The following IL6R variants were observed in gnomAD, a reference collection of about 807,000 sequenced individuals.
IL6R encodes the protein interleukin-6 receptor subunit alpha.
Under a neutral mutation model 48.3 loss-of-function variants are expected in IL6R, and 38 were observed. That is an observed-to-expected ratio of 0.79 (90% confidence interval 0.61 to 1.03). IL6R has a LOEUF of 1.03. Ranked by LOEUF, IL6R falls within the 50% of genes least tolerant of loss-of-function variation. The pLI is 0.00. For synonymous variants in IL6R, 264 were observed against 256.2 expected, an observed-to-expected ratio of 1.03 and a Z score of -0.29; for missense variants, 534 against 618.3, an observed-to-expected ratio of 0.86 and a Z score of 1.45.
chr1:154,453,872 C>A (rs988801298), intron 8 of IL6R, among the ~76,000 whole-genome samples: 5 of 152,136 alleles, frequency 3.3e-5, no homozygotes, highest in Non-Finnish European at 7.3e-5. Flanking sequence ...GTAGAGAAAA[C>A]AGACAGGAGA....
rs1446113538 is a variant in IL6R, at chr1:154,465,703, C to G, written c.*323C>G. 3.1e-6 allele frequency: 1 copy of G among 324,468 alleles called. No individual in the cohort carries two copies. Among genetic ancestry groups the G allele is most frequent in the Non-Finnish European group, 5.9e-6 (1 of 169,976 alleles). 20.1% of individuals were successfully genotyped at this position (324,468 alleles called of 1,614,324 possible). A position where few individuals can be genotyped will look rare whatever the true frequency, so the allele number is the denominator to read the frequency against. On this transcript the variant is annotated 3_prime_UTR_variant, in exon 10 of 10. Transcript: ENST00000368485. ...AAGCTGGGCAGGTTGGTGGGGGCCT[C>G]GGTGTGGAGAAGCGGCTGGCAGCCC...
chr1:154,417,586 C>G (rs985728350), intron 1 of IL6R, among the ~76,000 whole-genome samples: 3 of 152,010 alleles, frequency 2.0e-5, no homozygotes, highest in African/African-American at 7.3e-5. Flanking sequence ...CTTAGATATC[C>G]TTTCTTTTTT....
chr1:154,423,788 G>A (rs1266238123), intron 1 of IL6R, among the ~76,000 whole-genome samples: 2 of 152,142 alleles, frequency 1.3e-5, no homozygotes, highest in Non-Finnish European at 2.9e-5. Context: ...CATTACTCAA[G>A]TTCCTTGGCA....
intron 1 of IL6R, among the ~76,000 whole-genome samples, chr1:154,408,309 G>T (rs942522212): frequency 5.9e-5 from 9 of 152,100 alleles, no homozygotes; most frequent in African/African-American, 2.2e-4. Context: ...ATCTCTCCTT[G>T]CTTTGGCTTG....
chr1:154,411,326 A>G (rs1187097767), intron 1 of IL6R, among the ~76,000 whole-genome samples: 7 of 152,102 alleles, frequency 4.6e-5, no homozygotes, highest in Non-Finnish European at 1.0e-4. Context: ...CCAAAGTGCT[A>G]TAGGATTGCA....
chr1:154,442,790 T>TC (rs1056425591), intron 6 of IL6R, among the ~76,000 whole-genome samples: 1 of 43,786 alleles, frequency 2.3e-5, no homozygotes, highest in African/African-American at 1.5e-4. Flanking sequence ...ATTTTCTTCT[T>TC]TTTTTTTTTT....
At position 154,465,154 on chromosome 1, in the gene IL6R, T is replaced by C; in HGVS notation, c.1181T>C (p.Leu394Pro). 1 of 1,614,132 alleles carries C rather than the reference T, an allele frequency of 6.2e-7. No homozygotes were observed. The highest frequency in any genetic ancestry group is 1.1e-5 in the South Asian group (1 of 91,080). ...IVLRFKKTWKLRALKEGKTSM... is the reference protein window; with the variant it reads ...IVLRFKKTWKPRALKEGKTSM... ...TGAAGGTTCAAGAAGACGTGGAAGC[T>C]GCGGGCTCTGAAGGAAGGCAAGACA... The change falls in exon 10 of 10, where the codon CTG becomes CCG. Residue 394 changes from leucine to proline, a missense_variant. Physicochemically the swap from Leu to Pro is moderately conservative, Grantham distance 98. Coordinates refer to ENST00000368485, the MANE Select transcript of IL6R (RefSeq NM_000565.4).
At chr1:154,462,798 T>TTTAA (rs891070263) in intron 9 of IL6R, among the ~76,000 whole-genome samples, 1 of 152,144 alleles carries the variant, frequency 6.6e-6, no homozygotes, top group Non-Finnish European at 1.5e-5. Flanking sequence ...TTTGCTTTTA[T>TTTAA]TTAATTAATT....
At chr1:154,421,483 A>G (rs1188497130) in intron 1 of IL6R, among the ~76,000 whole-genome samples, 1 of 152,114 alleles carries the variant, frequency 6.6e-6, no homozygotes, top group African/African-American at 2.4e-5. Context: ...CCACAGAGGA[A>G]CCAAAAGTCC....
At chr1:154,453,855 A>G (rs1212837100) in intron 8 of IL6R, among the ~76,000 whole-genome samples, 1 of 152,224 alleles carries the variant, frequency 6.6e-6, no homozygotes, top group Non-Finnish European at 1.5e-5. Flanking sequence ...AAAAGGGTGC[A>G]GCAAAGGTAG....
chr1:154,442,702 G>A (rs550792875), intron 6 of IL6R, among the ~76,000 whole-genome samples: 15 of 152,198 alleles, frequency 9.9e-5, no homozygotes, highest in Non-Finnish European at 1.8e-4. Flanking sequence ...TCTCTCAAGC[G>A]GGAGTTCTGA....
chr1:154,451,762 C>T (rs1041621426), intron 8 of IL6R, among the ~76,000 whole-genome samples: 5 of 151,920 alleles, frequency 3.3e-5, no homozygotes, highest in African/African-American at 4.8e-5. Flanking sequence ...ACTCGAACTC[C>T]CCACCTCAGG....
chr1:154,420,963 G>A (rs1350871639), intron 1 of IL6R, among the ~76,000 whole-genome samples: 2 of 152,182 alleles, frequency 1.3e-5, no homozygotes, highest in East Asian at 1.9e-4. Context: ...GACTGTTGAG[G>A]AGGAGCTTGG....
intron 6 of IL6R, among the ~76,000 whole-genome samples, chr1:154,447,258 G>A (rs1690278239): frequency 6.6e-6 from 1 of 151,492 alleles, no homozygotes; most frequent in Non-Finnish European, 1.5e-5. Context: ...GGCCAATATG[G>A]TGAAACCCTG....
chr1:154,451,787 C>T (rs954552213), intron 8 of IL6R, among the ~76,000 whole-genome samples: 3 of 152,022 alleles, frequency 2.0e-5, no homozygotes, highest in Non-Finnish European at 4.4e-5. Context: ...CTGCCTGCCT[C>T]GGTCTCCCAA....
At position 154,449,983 on chromosome 1, in the gene IL6R, A is replaced by G; in HGVS notation, c.1066+3A>G. The G allele has an allele frequency of 6.3e-7, 1 of 1,580,408 alleles. No individual in the cohort carries two copies. Among genetic ancestry groups the G allele is most frequent in the Non-Finnish European group, 8.7e-7 (1 of 1,149,206 alleles). ...TGCAAATGCGACAAGCCTCCCAGGT[A>G]AGGACTGGGTATTTTCATATTCCCA... On this transcript the variant is annotated splice_donor_region_variant and intron_variant, in intron 8 of 9. Transcript: ENST00000368485.
chr1:154,434,516 C>A lies in IL6R; in HGVS notation c.459-3C>A, dbSNP rs756240444. ...AGCCCTGCCCTTGTTTTGTGTCTAA[C>A]AGTCAGAACAGTCCGGCCGAAGACT... On this transcript the variant is annotated splice_polypyrimidine_tract_variant and splice_region_variant and intron_variant, in intron 3 of 9. Transcript: ENST00000368485. 8 of 1,610,828 alleles carry A rather than the reference C, an allele frequency of 5.0e-6. No homozygotes were observed. The African/African-American group carries it at 1.1e-4, about 22-fold the overall frequency.
At chr1:154,408,520 G>A (rs1570911556) in intron 1 of IL6R, among the ~76,000 whole-genome samples, 1 of 152,090 alleles carries the variant, frequency 6.6e-6, no homozygotes, top group South Asian at 2.1e-4. Context: ...CTGGCTTGGG[G>A]TAGGGGGTGG....
At chr1:154,406,055 C>A (rs1273186009) in intron 1 of IL6R, among the ~76,000 whole-genome samples, 1 of 152,190 alleles carries the variant, frequency 6.6e-6, no homozygotes, top group African/African-American at 2.4e-5. Flanking sequence ...AACCGCGTCC[C>A]AGGTTACTCT....
Sources: gnomAD v4.1 joint callset for allele counts (sites outside exome capture counted in the v4.1 genomes callset) on GRCh38, gnomAD v4.1.1 for gene constraint, MANE v1.5 for transcripts, NCBI Gene and HGNC (gene_info 2026-07-23, HGNC 2026-07-21) for gene names.